Variants in CBFB observed in about 807,000 individuals in gnomAD.
The protein encoded by CBFB is CBF-beta.
In CBFB, 9 loss-of-function variants were observed where a neutral mutation model predicts 30.4. The observed-to-expected ratio is 0.30, with a 90% CI of 0.18 to 0.52. The LOEUF (loss-of-function observed/expected upper bound fraction) is 0.52, where lower values mean the gene tolerates loss of function less well. Among genes scored for constraint, CBFB ranks in the 20% least tolerant of loss-of-function variants. The pLI is 0.97. For synonymous variants in CBFB, 94 were observed against 84.0 expected, an observed-to-expected ratio of 1.12 and a Z score of -0.65; for missense variants, 170 against 244.0, an observed-to-expected ratio of 0.70 and a Z score of 2.02.
chr16:67,063,271 A>G (rs1238942200), intron 3 of CBFB, among the ~76,000 whole-genome samples: 1 of 152,068 alleles, frequency 6.6e-6, no homozygotes, highest in Non-Finnish European at 1.5e-5. Flanking sequence ...ACTAAAGACT[A>G]TTTCCCTTGG....
chr16:67,060,716 C>G (rs1960888547), intron 3 of CBFB, among the ~76,000 whole-genome samples: 1 of 152,046 alleles, frequency 6.6e-6, no homozygotes, highest in Non-Finnish European at 1.5e-5. Flanking sequence ...CCACCACGCC[C>G]AGCTAATTTT....
chr16:67,092,054 T>G (rs796320531), intron 5 of CBFB, among the ~76,000 whole-genome samples: 42 of 151,942 alleles, frequency 2.8e-4, no homozygotes, highest in African/African-American at 8.7e-4. Flanking sequence ...ATGCTCTCCC[T>G]CCCCTTCCCC....
intron 5 of CBFB, among the ~76,000 whole-genome samples, chr16:67,085,740 C>T (rs141641511): frequency 0.02 from 2,894 of 147,858 alleles, 88 homozygotes; most frequent in African/African-American, 0.068. Flanking sequence ...TGCAGTGGCG[C>T]ATTCTCAGCT....
chr16:67,059,467 T>C (rs146461252), intron 3 of CBFB, among the ~76,000 whole-genome samples: 3 of 152,334 alleles, frequency 2.0e-5, no homozygotes, highest in East Asian at 3.9e-4. Flanking sequence ...ATGAAAGCAG[T>C]GGACTTCATT....
At chr16:67,050,627 A>G (rs1345408124) in intron 3 of CBFB, among the ~76,000 whole-genome samples, 2 of 152,154 alleles carry the variant, frequency 1.3e-5, no homozygotes, top group Middle Eastern at 3.4e-3. Context: ...CCCTGTCTGT[A>G]CAAAAAAGTT....
At chr16:67,041,932 A>G (rs1218486993) in intron 3 of CBFB, among the ~76,000 whole-genome samples, 2 of 146,792 alleles carry the variant, frequency 1.4e-5, no homozygotes, top group African/African-American at 5.1e-5. Context: ...CTGACAAAAC[A>G]AGGTCTTATT....
At chr16:67,046,589 T>C (rs914754454) in intron 3 of CBFB, among the ~76,000 whole-genome samples, 1 of 152,232 alleles carries the variant, frequency 6.6e-6, no homozygotes, top group African/African-American at 2.4e-5. Flanking sequence ...TGTACAAGTC[T>C]GTGACAACTG....
chr16:67,047,901 T>C (rs996542369), intron 3 of CBFB, among the ~76,000 whole-genome samples: 3 of 152,042 alleles, frequency 2.0e-5, no homozygotes, highest in Non-Finnish European at 4.4e-5. Flanking sequence ...AAGCCCCGTC[T>C]CTACTAGGAA....
At chr16:67,096,944 T>A (rs1427770438) in intron 5 of CBFB, among the ~76,000 whole-genome samples, 38 of 139,468 alleles carry the variant, frequency 2.7e-4, no homozygotes, top group African/African-American at 6.7e-4. Context: ...AAAAAAAAAA[T>A]ACATCTGAGT....
chr16:67,052,625 T>C (rs1567610342), intron 3 of CBFB, among the ~76,000 whole-genome samples: 1 of 152,016 alleles, frequency 6.6e-6, no homozygotes, highest in Non-Finnish European at 1.5e-5. Context: ...CATATGTGGC[T>C]TGCATTTGTG....
Position 67,098,782 on chromosome 16 carries a change from A to G in CBFB, c.*4A>G, listed in dbSNP as rs943463162. ...TGATGACCTCAAACTTCGTTAATTAATAGCACAGCAGATGTGTGCTGCCCA... is the reference window on the plus strand; with the variant it reads ...TGATGACCTCAAACTTCGTTAATTAGTAGCACAGCAGATGTGTGCTGCCCA... On this transcript the variant is annotated 3_prime_UTR_variant, in exon 6 of 6. Transcript: ENST00000412916. The G allele has an allele frequency of 1.3e-5, 20 of 1,548,420 alleles. No individual in the cohort carries two copies. The highest frequency in any genetic ancestry group is 1.5e-5 in the Non-Finnish European group (17 of 1,120,054).
chr16:67,059,876 A>T (rs1960842606), intron 3 of CBFB, among the ~76,000 whole-genome samples: 1 of 152,098 alleles, frequency 6.6e-6, no homozygotes, highest in Admixed American at 6.6e-5. Context: ...TCCCATATGT[A>T]ACTGCCTCCT....
rs1300270219 is a variant in CBFB at position 67,100,529 on chromosome 16, C to T, written c.*1751C>T. On this transcript the variant is annotated 3_prime_UTR_variant, in exon 6 of 6. Transcript: ENST00000412916. Reference sequence around the variant, plus strand: ...GTTGTACAGCTCACATGTTTACACACTCAGTGCCCTAATTTCCCCTGAGGG... The same window carrying T: ...GTTGTACAGCTCACATGTTTACACATTCAGTGCCCTAATTTCCCCTGAGGG... The T allele has an allele frequency of 4.4e-6, 1 of 228,326 alleles. No individual in the cohort carries two copies. Among genetic ancestry groups the T allele is most frequent in the East Asian group, 6.3e-5 (1 of 15,914 alleles). 14.1% of individuals were successfully genotyped at this position (228,326 alleles called of 1,614,324 possible).
At chr16:67,054,423 C>G (rs539616745) in intron 3 of CBFB, among the ~76,000 whole-genome samples, 1 of 152,234 alleles carries the variant, frequency 6.6e-6, no homozygotes, top group South Asian at 2.1e-4. Flanking sequence ...ATCTTTGTCT[C>G]CATGTTTTGG....
chr16:67,069,342 C>T (rs1467577949), intron 4 of CBFB, among the ~76,000 whole-genome samples: 1 of 151,796 alleles, frequency 6.6e-6, no homozygotes. Flanking sequence ...TGCACTCCAG[C>T]CTGGGCGACA....
rs1184665334 is a variant in CBFB, at chr16:67,029,775, C to T, written c.127C>T (p.Arg43Cys). The T allele has an allele frequency of 6.3e-7, 1 of 1,595,428 alleles. No individual in the cohort carries two copies. The highest frequency in any genetic ancestry group is 1.4e-5 in the African/African-American group (1 of 72,522). The change falls in exon 2 of 6, where the codon CGC (arginine) becomes TGC (cysteine). Residue 43 changes from arginine (R) to cysteine (C), a missense_variant. By Grantham distance (180) the Arg-to-Cys change is radical. Transcript: ENST00000412916. ...RDRPHEERQA[R>C]FQNACRDGRS... ...CCGGCCCCACGAGGAACGCCAGGCA[C>T]GCTTCCAGAACGCCTGCCGCGACGG...
intron 3 of CBFB, among the ~76,000 whole-genome samples, chr16:67,065,949 C>T (rs188610726): frequency 1.1e-4 from 17 of 151,842 alleles, no homozygotes; most frequent in East Asian, 1.9e-4. Context: ...TGTTTTGTTC[C>T]GAATTATTTA....
intron 3 of CBFB, among the ~76,000 whole-genome samples, chr16:67,062,982 C>T (rs1376678723): frequency 1.3e-5 from 2 of 151,978 alleles, no homozygotes; most frequent in East Asian, 1.9e-4. Context: ...AAATGACAAT[C>T]CCCAGTGCAT....
chr16:67,093,418 G>T (rs949216036), intron 5 of CBFB: 1 of 137,986 alleles, frequency 7.2e-6, no homozygotes, highest in Non-Finnish European at 1.5e-5. Context: ...TAAAAGAATG[G>T]AGATCAACCA....
Sources: allele counts gnomAD v4.1 joint callset (sites outside exome capture counted in the v4.1 genomes callset), GRCh38; gene constraint gnomAD v4.1.1; transcripts MANE v1.5; gene names NCBI Gene and HGNC (gene_info 2026-07-23, HGNC 2026-07-21).